KIAA0513: variants seen among roughly 807,000 people sequenced by gnomAD.
KIAA0513 encodes the protein KIAA0513, also known as uncharacterized protein KIAA0513.
In KIAA0513, 39 loss-of-function variants were observed where a neutral mutation model predicts 56.5. The observed-to-expected ratio is 0.69, with a 90% CI of 0.53 to 0.90. KIAA0513 has a LOEUF of 0.90. KIAA0513 is among the 40% of genes least tolerant of loss of function. KIAA0513 has a pLI of 0.00. For missense variants in KIAA0513, 591 were observed against 535.2 expected (o/e 1.10, Z -1.03); for synonymous variants, 268 against 215.6 (o/e 1.24, Z -2.13).
At chr16:85,042,635 C>G (rs1287563444) in intron 1 of KIAA0513, among the ~76,000 whole-genome samples, 12 of 152,114 alleles carry the variant, frequency 7.9e-5, no homozygotes, top group African/African-American at 2.7e-4. Flanking sequence ...ATAATTAATG[C>G]CTAGTATGTA....
rs1325077904 is a variant in KIAA0513 at position 85,092,409 on chromosome 16, T to C, written c.*4084T>C. 6.6e-6 allele frequency: 1 copy of C among 152,216 alleles called. No homozygotes were observed. Among genetic ancestry groups the C allele is most frequent in the African/African-American group, 2.4e-5 (1 of 41,438 alleles). The allele number at this position is 152,216 out of a possible 1,614,324, so 9.4% of individuals were successfully genotyped here. ...AGAACTTTAAAAATTAGAGGGTCCC[T>C]TTCTGCAGAGGAAGGGATGCTCGCA... On this transcript the variant is annotated 3_prime_UTR_variant, in exon 13 of 13. Coordinates refer to ENST00000683363, the MANE Select transcript of KIAA0513 (RefSeq NM_001388359.1).
At chr16:85,035,806 G>T (rs972493255) in intron 1 of KIAA0513, among the ~76,000 whole-genome samples, 1 of 151,556 alleles carries the variant, frequency 6.6e-6, no homozygotes, top group African/African-American at 2.4e-5. Context: ...GTGAAACCCC[G>T]TCTCTACTAA....
Position 85,081,812 on chromosome 16 carries a change from C to G in KIAA0513, c.980+420C>G, listed in dbSNP as rs1468363562. On this transcript the variant is annotated intron_variant, in intron 9 of 12. Coordinates refer to ENST00000683363, the MANE Select transcript of KIAA0513 (RefSeq NM_001388359.1). The surrounding 1 kb of genome is among the most constrained non-coding windows in gnomAD (Gnocchi z 4.4). Reference sequence around the variant, plus strand: ...AGCTGGCGCCTGGGGAATGCAGTTGCCGCTCGCAACTCACCTCTTGGGTCT... The same window carrying G: ...AGCTGGCGCCTGGGGAATGCAGTTGGCGCTCGCAACTCACCTCTTGGGTCT... Among the ~76,000 whole-genome samples, 1 of 152,180 alleles carries G rather than the reference C, an allele frequency of 6.6e-6. No homozygotes were observed. The highest frequency in any genetic ancestry group is 1.5e-5 in the Non-Finnish European group (1 of 68,030).
At chr16:85,071,676 G>C in intron 2 of KIAA0513, 107 bp from the exon 3 acceptor site, 2 of 907,440 alleles carry the variant, frequency 2.2e-6, no homozygotes, top group Non-Finnish European at 1.7e-6. Flanking sequence ...TCTGTGCTTG[G>C]CTGGGGAATA....
intron 1 of KIAA0513, among the ~76,000 whole-genome samples, chr16:85,053,626 T>A (rs2073285592): frequency 6.6e-6 from 1 of 152,162 alleles, no homozygotes; most frequent in Non-Finnish European, 1.5e-5. Context: ...TTTTATACAT[T>A]ACTAAGAAAG....
At chr16:85,033,052 A>T (rs2072987684) in intron 1 of KIAA0513, among the ~76,000 whole-genome samples, 1 of 152,138 alleles carries the variant, frequency 6.6e-6, no homozygotes, top group African/African-American at 2.4e-5. Context: ...TCCAGCATCA[A>T]GATGCAGTGA....
chr16:85,050,600 G>T (rs1249079297), intron 1 of KIAA0513, among the ~76,000 whole-genome samples: 1 of 152,146 alleles, frequency 6.6e-6, no homozygotes, highest in Non-Finnish European at 1.5e-5. Context: ...ACAGGCGTGA[G>T]CCGCCGTGCC....
chr16:85,054,687 C>G (rs1399170064), intron 1 of KIAA0513, among the ~76,000 whole-genome samples: 2 of 152,096 alleles, frequency 1.3e-5, no homozygotes, highest in African/African-American at 4.8e-5. Flanking sequence ...TCCTCAGCCT[C>G]CCACAGTTCT....
chr16:85,050,945 C>G (rs1467377605), intron 1 of KIAA0513, among the ~76,000 whole-genome samples: 2 of 152,080 alleles, frequency 1.3e-5, no homozygotes, highest in Non-Finnish European at 2.9e-5. Context: ...CACTTGAGCC[C>G]AGGTATTTGA....
intron 1 of KIAA0513, among the ~76,000 whole-genome samples, chr16:85,050,001 C>CTG (rs2073227304): frequency 1.3e-5 from 2 of 152,236 alleles, no homozygotes; most frequent in African/African-American, 4.8e-5. Flanking sequence ...GAGTCAGCCG[C>CTG]TGTGTCCTTT....
chr16:85,075,557 C>T (rs2073643878), intron 4 of KIAA0513, among the ~76,000 whole-genome samples: 2 of 152,220 alleles, frequency 1.3e-5, no homozygotes, highest in South Asian at 4.1e-4. Flanking sequence ...CTCATCCTGG[C>T]TCTGCTCCTG....
At chr16:85,082,833 TAGTC>T (rs1263283797) in intron 10 of KIAA0513, among the ~76,000 whole-genome samples, 1 of 152,188 alleles carries the variant, frequency 6.6e-6, no homozygotes, top group African/African-American at 2.4e-5. Context: ...CACTCCGAAA[TAGTC>T]AGAAAGCAAA....
At position 85,093,695 on chromosome 16, in the gene KIAA0513, T is replaced by G. The variant is rs545397232; in HGVS notation, c.*5370T>G. On this transcript the variant is annotated 3_prime_UTR_variant, in exon 13 of 13. Transcript: ENST00000683363. ...CTGCAAGAGACAGCTTGGCTTGGCT[T>G]TGGCTGTTGGGGAGGAGTCCCTGCC... The G allele has an allele frequency of 6.6e-6, 1 of 152,396 alleles. No individual in the cohort carries two copies. Among genetic ancestry groups the G allele is most frequent in the Admixed American group, 6.5e-5 (1 of 15,298 alleles). 9.4% of individuals were successfully genotyped at this position (152,396 alleles called of 1,614,324 possible).
intron 1 of KIAA0513, among the ~76,000 whole-genome samples, chr16:85,048,015 A>G (rs1434616660): frequency 3.9e-5 from 6 of 152,232 alleles, no homozygotes; most frequent in Non-Finnish European, 1.5e-5. Flanking sequence ...AGTAACCATA[A>G]GGAAACCAGA....
intron 10 of KIAA0513, among the ~76,000 whole-genome samples, chr16:85,083,505 G>A (rs1300035134): frequency 6.6e-6 from 1 of 152,152 alleles, no homozygotes; most frequent in Admixed American, 6.5e-5. Context: ...TGACTCTCTG[G>A]GTGACTGTGT....
chr16:85,072,404 A>G (rs1045378688), intron 3 of KIAA0513, among the ~76,000 whole-genome samples: 5 of 152,224 alleles, frequency 3.3e-5, no homozygotes, highest in Non-Finnish European at 7.3e-5. Context: ...ATTCAAGACC[A>G]TGACAGCCAT....
rs1357145421 is a variant in KIAA0513 at position 85,073,072 on chromosome 16, C to G, written c.503+74C>G. On this transcript the variant is annotated intron_variant, in intron 4 of 12. Coordinates refer to ENST00000683363, the MANE Select transcript of KIAA0513 (RefSeq NM_001388359.1). The stretch of plus-strand genomic sequence containing the variant: ...CCTCCCTGCCTCCCTCCCCACCCAG[C>G]CGTGTCATAACCCAGCTGTGAACCA... 3 of 1,253,762 alleles carry G rather than the reference C, an allele frequency of 2.4e-6. No homozygotes were observed. The East Asian group carries it at 7.0e-5, about 29-fold the overall frequency. 77.7% of individuals were successfully genotyped at this position (1,253,762 alleles called of 1,614,324 possible).
rs2073876554 is a variant in KIAA0513 at position 85,092,233 on chromosome 16, C to G, written c.*3908C>G. On this transcript the variant is annotated 3_prime_UTR_variant, in exon 13 of 13. Coordinates refer to ENST00000683363, the MANE Select transcript of KIAA0513 (RefSeq NM_001388359.1). ...TGCTGGGATTACAGGCGTGAGGCAT[C>G]ACACCTGCCTCTGTTGGCTTTTTAG... The G allele has an allele frequency of 6.6e-6, 1 of 152,214 alleles. No homozygotes were observed. Among genetic ancestry groups the G allele is most frequent in the Non-Finnish European group, 1.5e-5 (1 of 68,116 alleles). The allele number at this position is 152,214 out of a possible 1,614,324, so 9.4% of individuals were successfully genotyped here.
chr16:85,068,030 C>T (rs1280853584), intron 2 of KIAA0513, among the ~76,000 whole-genome samples: 2 of 151,968 alleles, frequency 1.3e-5, no homozygotes, highest in Admixed American at 6.5e-5. Context: ...AAGCTGGTCT[C>T]GAACTCCTGA....
Sources: gnomAD v4.1 joint callset for allele counts (sites outside exome capture counted in the v4.1 genomes callset) on GRCh38, gnomAD v4.1.1 for gene constraint, Gnocchi (gnomAD v3.1) non-coding constraint, MANE v1.5 for transcripts, NCBI Gene and HGNC (gene_info 2026-07-23, HGNC 2026-07-21) for gene names.